Variants in ANKRD30BL observed in about 807,000 individuals in gnomAD.
ANKRD30BL encodes ankyrin repeat domain 30B like, also known as putative ankyrin repeat domain-containing protein 30B-like.
In ANKRD30BL, 20 loss-of-function variants were observed where a neutral mutation model predicts 18.4. The ratio of observed to expected loss-of-function variants is 1.09; its 90% CI spans 0.77 to 1.58. ANKRD30BL has a LOEUF of 1.58. ANKRD30BL is among the 40% of genes most tolerant of loss of function. The pLI is 0.00. For missense variants in ANKRD30BL, 224 were observed against 268.6 expected, an observed-to-expected ratio of 0.83 and a Z score of 1.16; for synonymous variants, 72 against 100.9, an observed-to-expected ratio of 0.71 and a Z score of 1.72.
chr2:132,162,242 G>A (rs1308998577), upstream of ANKRD30BL, among the ~76,000 whole-genome samples: 1 of 152,192 alleles, frequency 6.6e-6, no homozygotes, highest in Non-Finnish European at 1.5e-5. Flanking sequence ...CTTGCAGCCA[G>A]GGACCCATCC....
rs547674744 is a variant in ANKRD30BL, at chr2:132,179,480, G to C, written n.442-22334C>G. ...ATTTTTGTATTTTTAGTAGAAACAGGGTTTCACCATGTTGGCCAGGCTGCT... is the reference window on the plus strand; with the variant it reads ...ATTTTTGTATTTTTAGTAGAAACAGCGTTTCACCATGTTGGCCAGGCTGCT... On this transcript the variant is annotated intron_variant and non_coding_transcript_variant, in intron 1 of 4. Coordinates refer to the ANKRD30BL transcript ENST00000470729. Among the ~76,000 whole-genome samples, 300 of 151,958 alleles carry C rather than the reference G, an allele frequency of 2.0e-3. 4 individuals are homozygous for C. Among genetic ancestry groups the C allele is most frequent in the African/African-American group, 6.9e-3 (287 of 41,462 alleles).
intron 3 of ANKRD30BL, chr2:132,155,686 T>C (rs1339501538): frequency 6.6e-6 from 1 of 152,004 alleles, no homozygotes. Flanking sequence ...GATCACAAGG[T>C]CAGGAGATCG....
At chr2:132,247,164 G>A (rs1680524956) in intron 1 of ANKRD30BL, among the ~76,000 whole-genome samples, 2 of 151,302 alleles carry the variant, frequency 1.3e-5, no homozygotes, top group African/African-American at 4.9e-5. Context: ...ATAAAAACTA[G>A]ACAGAAGCAT....
At chr2:132,220,372 CTCT>C (rs1679641891) in intron 1 of ANKRD30BL, among the ~76,000 whole-genome samples, 1 of 140,548 alleles carries the variant, frequency 7.1e-6, no homozygotes. Flanking sequence ...CTCCCTCTCC[CTCT>C]CCCCACGGTC....
chr2:132,160,443 A>AT (rs1268840591), intron 1 of ANKRD30BL, among the ~76,000 whole-genome samples: 5 of 67,452 alleles, frequency 7.4e-5, no homozygotes, highest in East Asian at 4.2e-4. Context: ...TTATTTATTT[A>AT]TTATTATTAT....
Position 132,207,596 on chromosome 2 carries a change from G to C in ANKRD30BL, n.441+49933C>G, listed in dbSNP as rs565403162. Among the ~76,000 whole-genome samples, 8 of 152,158 alleles carry C rather than the reference G, an allele frequency of 5.3e-5. 1 individual carries two copies. The highest frequency in any genetic ancestry group is 1.7e-4 in the African/African-American group (7 of 41,512). ...GATTTCTCTTCTCCTTTGTACAAAG[G>C]GGTGACCCTTTGACAGCACAGGGAA... On this transcript the variant is annotated intron_variant and non_coding_transcript_variant, in intron 1 of 4. Coordinates refer to the ANKRD30BL transcript ENST00000470729.
At position 132,157,006 on chromosome 2, in the gene ANKRD30BL, C is replaced by G. The variant is rs762838969; in HGVS notation, c.474G>C (p.Leu158=). 1 of 1,303,680 alleles carries G rather than the reference C, an allele frequency of 7.7e-7. No homozygotes were observed. The highest frequency in any genetic ancestry group is 1.9e-5 in the Admixed American group (1 of 51,318). The allele number at this position is 1,303,680 out of a possible 1,614,324, so 80.8% of individuals were successfully genotyped here. Residue 158 remains leucine (L), a synonymous_variant, in exon 3 of 6, where the codon CTG becomes CTC. Coordinates refer to ENST00000409867, the MANE Select transcript of ANKRD30BL (RefSeq NM_001358416.1). ...SENLSVVAKL[L]SCGADIEVKN... is the part of the protein sequence containing the mutation. ...TCACTTCGATGTCTGCACCACAGGA[C>G]AGCAATTTTGCCACCACTGACAAAT... is the stretch of plus-strand genomic sequence containing the variant.
chr2:132,186,932 C>T (rs1688570827), intron 1 of ANKRD30BL, among the ~76,000 whole-genome samples: 3 of 151,570 alleles, frequency 2.0e-5, no homozygotes, highest in South Asian at 4.2e-4. Context: ...GTTCATTTAC[C>T]CAACATTTTT....
At chr2:132,167,142 T>C (rs1688200058) in intron 1 of ANKRD30BL, among the ~76,000 whole-genome samples, 2 of 151,648 alleles carry the variant, frequency 1.3e-5, no homozygotes, top group Admixed American at 6.6e-5. Flanking sequence ...GTGTGTACTT[T>C]GTATGAACTT....
intron 1 of ANKRD30BL, among the ~76,000 whole-genome samples, chr2:132,243,365 T>A (rs919066741): frequency 1.3e-5 from 2 of 151,714 alleles, no homozygotes; most frequent in Non-Finnish European, 3.0e-5. Flanking sequence ...TGGAGTGATA[T>A]GAGACCTATG....
intron 1 of ANKRD30BL, among the ~76,000 whole-genome samples, chr2:132,198,570 G>A (rs1282604486): frequency 9.3e-5 from 14 of 150,556 alleles, no homozygotes; most frequent in Admixed American, 1.3e-4. Flanking sequence ...TGATCTGCCC[G>A]CCTTGGCCTC....
chr2:132,209,708 C>T (rs1424869957), intron 1 of ANKRD30BL, among the ~76,000 whole-genome samples: 5 of 152,048 alleles, frequency 3.3e-5, no homozygotes, highest in African/African-American at 1.2e-4. Context: ...TACACAGAAG[C>T]GTTCTGAGAA....
intron 4 of ANKRD30BL, chr2:132,152,563 A>T (rs775549981): frequency 4.3e-4 from 65 of 152,188 alleles, no homozygotes; most frequent in Non-Finnish European, 6.3e-4. Flanking sequence ...GGACAACCAC[A>T]AGTTGGAACC....
intron 4 of ANKRD30BL, among the ~76,000 whole-genome samples, chr2:132,154,228 G>A (rs1305740008): frequency 6.6e-6 from 1 of 152,162 alleles, no homozygotes; most frequent in African/African-American, 2.4e-5. Flanking sequence ...GCCTCTCAAA[G>A]TGCTGAGATA....
At chr2:132,181,294 C>A (rs182801223) in intron 1 of ANKRD30BL, among the ~76,000 whole-genome samples, 1 of 151,456 alleles carries the variant, frequency 6.6e-6, no homozygotes, top group South Asian at 2.1e-4. Context: ...GGCAACATGG[C>A]GAAACCCCGT....
Position 132,246,007 on chromosome 2 carries a change from G to A in ANKRD30BL, n.441+11522C>T, listed in dbSNP as rs563796405. On this transcript the variant is annotated intron_variant and non_coding_transcript_variant, in intron 1 of 4. Coordinates refer to the ANKRD30BL transcript ENST00000470729. ...TTCTCAGAAACCTTTTGTGATGTGCGTACTCCAACTCACAGAGTTGAACCT... is the reference window on the plus strand; with the variant it reads ...TTCTCAGAAACCTTTTGTGATGTGCATACTCCAACTCACAGAGTTGAACCT... Among the ~76,000 whole-genome samples the A allele has an allele frequency of 1.5e-3, 224 of 150,522 alleles. 1 individual carries two copies. Among genetic ancestry groups the A allele is most frequent in the African/African-American group, 4.7e-3 (195 of 41,102 alleles).
chr2:132,238,508 A>G (rs1017191735), intron 1 of ANKRD30BL, among the ~76,000 whole-genome samples: 5 of 152,040 alleles, frequency 3.3e-5, no homozygotes, highest in Non-Finnish European at 7.4e-5. Context: ...CGTTCAACTG[A>G]CAGACTTGAA....
intron 1 of ANKRD30BL, among the ~76,000 whole-genome samples, chr2:132,184,820 T>C (rs1159232473): frequency 6.7e-6 from 1 of 148,294 alleles, no homozygotes; most frequent in Non-Finnish European, 1.5e-5. Flanking sequence ...TCAAAATTCT[T>C]TTTTTTTTTT....
chr2:132,194,049 TCTCTCTCACACACACACACACACA>T (rs1364433962), intron 1 of ANKRD30BL, among the ~76,000 whole-genome samples: 3 of 130,494 alleles, frequency 2.3e-5, no homozygotes, highest in African/African-American at 6.7e-5. Context: ...TCTCTCTCTC[TCTCTCTCACACACACACACACACA>T]CTCACACACA....
Sources: allele counts gnomAD v4.1 joint callset (sites outside exome capture counted in the v4.1 genomes callset), GRCh38; gene constraint gnomAD v4.1.1; transcripts MANE v1.5; gene names NCBI Gene and HGNC (gene_info 2026-07-23, HGNC 2026-07-21).